Variants in MFSD1 observed in about 807,000 individuals in gnomAD.
MFSD1 encodes lysosomal dipeptide transporter MFSD1.
MFSD1 carries 59 observed loss-of-function variants against 67.1 expected under a neutral mutation model. That is an observed-to-expected ratio of 0.88 (90% CI 0.71 to 1.09). The LOEUF is 1.09. Ranked by LOEUF, MFSD1 falls within the 50% of genes least tolerant of loss-of-function variation. The pLI, the probability that MFSD1 is intolerant of heterozygous loss-of-function variation, is 0.00. For synonymous variants in MFSD1, 213 were observed against 200.3 expected (o/e 1.06, Z -0.54); for missense variants, 552 against 566.1 (o/e 0.97, Z 0.25).
At chr3:158,807,121 A>ACTTCTAAATTCTTATCTAGG in intron 4 of MFSD1, 39 bp downstream of exon 4, 3 of 1,559,080 alleles carry the variant, frequency 1.9e-6, no homozygotes, top group Non-Finnish European at 2.6e-6. Context: ...ATTGACAGTG[A>ACTTCTAAATTCTTATCTAGG]CTTCTAAATT....
intron 8 of MFSD1, 91 bp from the exon 9 acceptor site, chr3:158,820,124 C>T (rs747693659): frequency 1.0e-5 from 7 of 686,330 alleles, no homozygotes; most frequent in Non-Finnish European, 1.8e-5. Context: ...AAAGATTAAT[C>T]ACAAGATTTT....
chr3:158,805,135 C>G (rs544605017), intron 2 of MFSD1, among the ~76,000 whole-genome samples: 5 of 152,162 alleles, frequency 3.3e-5, no homozygotes, highest in African/African-American at 1.2e-4. Context: ...CATGTGAACT[C>G]AAGAAGTTCC....
chr3:158,804,260 CAACTTGA>C (rs746148407), intron 1 of MFSD1, 52 bp from the exon 2 acceptor site: 2 of 1,288,068 alleles, frequency 1.6e-6, no homozygotes, highest in Middle Eastern at 1.9e-4. Flanking sequence ...GTAGCAACTG[CAACTTGA>C]AACTTTTATA....
chr3:158,813,301 C>T (rs1730134450), intron 6 of MFSD1, among the ~76,000 whole-genome samples: 2 of 152,012 alleles, frequency 1.3e-5, no homozygotes, highest in African/African-American at 4.8e-5. Flanking sequence ...GTGCCCGTCA[C>T]CATGCCTGGC....
chr3:158,825,983 A>G (rs750703555), intron 13 of MFSD1, 32 bp from the exon 14 acceptor site: 51 of 1,578,852 alleles, frequency 3.2e-5, no homozygotes, highest in Non-Finnish European at 3.9e-5. Context: ...AGAAATACAT[A>G]TTTTAAGGGC....
At position 158,807,389 on chromosome 3, in the gene MFSD1, A is replaced by G; in HGVS notation, c.373-7A>G. 1 of 1,610,078 alleles carries G rather than the reference A, an allele frequency of 6.2e-7. No individual in the cohort carries two copies. The highest frequency in any genetic ancestry group is 8.5e-7 in the Non-Finnish European group (1 of 1,176,968). ...TCATTAATTTGACATGAACTTCTAC[A>G]TTATAGGTTGTTTTTGCCCTGGGTG... On this transcript the variant is annotated splice_region_variant and splice_polypyrimidine_tract_variant and intron_variant, in intron 4 of 15. Transcript: ENST00000415822.
chr3:158,822,071 C>T lies in MFSD1; in HGVS notation c.1008C>T (p.Cys336=), dbSNP rs779658644. Residue 336 remains cysteine (C), a synonymous_variant, in exon 11 of 16, where the codon TGC becomes TGT. Transcript: ENST00000415822. ...KTGKNIIWVL[C]AVAATLVSHM... ...GGAAGAACATCATCTGGGTTCTTTG[C>T]GCAGTAGCAGCCACTCTTGTGTCCC... is the stretch of plus-strand genomic sequence containing the variant. 18 of 1,613,738 alleles carry T rather than the reference C, an allele frequency of 1.1e-5. No individual in the cohort carries two copies. Among genetic ancestry groups the T allele is most frequent in the South Asian group, 6.6e-5 (6 of 91,072 alleles).
chr3:158,827,853 A>C (rs1233484918), intron 15 of MFSD1, among the ~76,000 whole-genome samples: 1 of 151,774 alleles, frequency 6.6e-6, no homozygotes, highest in Non-Finnish European at 1.5e-5. Flanking sequence ...ACGAAGAAAA[A>C]AAATAATTCA....
rs1436688545 is a variant in MFSD1 at position 158,807,412 on chromosome 3, G to T, written c.389G>T (p.Gly130Val). The part of the protein sequence containing the change: ...VCIGQVVFAL[G>V]GIFNAFWLME... ...ACATTATAGGTTGTTTTTGCCCTGG[G>T]TGGAATATTTAATGCTTTTTGGCTG... Residue 130 changes from glycine (G) to valine (V), a missense_variant, in exon 5 of 16, where the codon GGT becomes GTT. Gly to Val is a moderately radical substitution (Grantham distance 109). Coordinates refer to ENST00000415822, the MANE Select transcript of MFSD1 (RefSeq NM_022736.4). The T allele has an allele frequency of 6.2e-7, 1 of 1,612,960 alleles. No individual in the cohort carries two copies.
chr3:158,821,751 TA>T, intron 10 of MFSD1, 98 bp downstream of exon 10: 2 of 1,159,960 alleles, frequency 1.7e-6, no homozygotes, highest in Non-Finnish European at 2.5e-6. Flanking sequence ...TGTGACCTAA[TA>T]TTTTTTAAGT....
chr3:158,803,660 T>C (rs112319301), intron 1 of MFSD1, among the ~76,000 whole-genome samples: 2 of 152,322 alleles, frequency 1.3e-5, no homozygotes, highest in Non-Finnish European at 2.9e-5. Context: ...GGCAATATTT[T>C]CTTGTAGCCT....
chr3:158,821,564 A>G, intron 9 of MFSD1, 33 bp from the exon 10 acceptor site: 1 of 1,428,536 alleles, frequency 7.0e-7, no homozygotes, highest in Non-Finnish European at 9.8e-7. Flanking sequence ...AGTTCTCTCT[A>G]ATGTGCTAAT....
chr3:158,806,201 A>G (rs892630202), intron 3 of MFSD1, among the ~76,000 whole-genome samples: 5 of 152,216 alleles, frequency 3.3e-5, no homozygotes, highest in African/African-American at 9.6e-5. Flanking sequence ...AACCTTTAAA[A>G]TTTTTGAAGA....
intron 6 of MFSD1, among the ~76,000 whole-genome samples, chr3:158,809,756 G>T (rs933565536): frequency 2.0e-5 from 3 of 152,150 alleles, no homozygotes; most frequent in Admixed American, 6.5e-5. Flanking sequence ...TCTGACTTTT[G>T]CTCTCTGTAG....
At chr3:158,812,457 TC>T in intron 6 of MFSD1, among the ~76,000 whole-genome samples, 1 of 152,170 alleles carries the variant, frequency 6.6e-6, no homozygotes, top group South Asian at 2.1e-4. Context: ...CCTCAAGATC[TC>T]CCTACCACTC....
In MFSD1 at chr3:158,824,038, C is replaced by T. The variant is rs566474271; in HGVS notation, c.1176-86C>T. 5.5e-6 allele frequency: 5 copies of T among 913,758 alleles called. No homozygotes were observed. The Admixed American group carries it at 6.4e-5, about 12-fold the overall frequency. 56.6% of individuals were successfully genotyped at this position (913,758 alleles called of 1,614,324 possible). On this transcript the variant is annotated intron_variant, in intron 12 of 15. Coordinates refer to ENST00000415822, the MANE Select transcript of MFSD1 (RefSeq NM_022736.4). The stretch of plus-strand genomic sequence containing the variant: ...CTGAACACAAATAGTATATGGTTCA[C>T]AGATACTAATATTTATAGTGAAGTG...
rs1382057858 is a variant in MFSD1, at chr3:158,826,027, C to T, written c.1301C>T (p.Ser434Phe). 1.2e-6 allele frequency: 2 copies of T among 1,613,274 alleles called. No homozygotes were observed. The highest frequency in any genetic ancestry group is 1.1e-5 in the South Asian group (1 of 91,062). The part of the protein sequence containing the change: ...FIACVSLSLL[S>F]VVLLYLVNRA... ...TTTTCACTCCTAGTGTCACTTTTAT[C>T]TGTGGTCTTACTCTATTTGGTGAAT... Residue 434 changes from serine to phenylalanine, a missense_variant, in exon 14 of 16, where the codon TCT (serine) becomes TTT (phenylalanine). Ser to Phe is a radical substitution (Grantham distance 155). Coordinates refer to ENST00000415822, the MANE Select transcript of MFSD1 (RefSeq NM_022736.4).
Position 158,807,477 on chromosome 3 carries a change from A to C in MFSD1, c.440+14A>C. ...ATTTGTATTTGGGTAAGTTATGCATAATTTAATTTATCCTAATGTATTATT... is the reference window on the plus strand; with the variant it reads ...ATTTGTATTTGGGTAAGTTATGCATCATTTAATTTATCCTAATGTATTATT... On this transcript the variant is annotated intron_variant, in intron 5 of 15. Coordinates refer to ENST00000415822, the MANE Select transcript of MFSD1 (RefSeq NM_022736.4). 6.4e-7 allele frequency: 1 copy of C among 1,572,190 alleles called. No homozygotes were observed. The highest frequency in any genetic ancestry group is 8.7e-7 in the Non-Finnish European group (1 of 1,142,962).
At position 158,802,488 on chromosome 3, in the gene MFSD1, G is replaced by A. The variant is rs1254782545; in HGVS notation, c.163+173G>A. 6.0e-6 allele frequency: 5 copies of A among 827,262 alleles called. No individual in the cohort carries two copies. The South Asian group carries it at 7.2e-5, about 12-fold the overall frequency. The allele number at this position is 827,262 out of a possible 1,614,324, so 51.2% of individuals were successfully genotyped here. On this transcript the variant is annotated intron_variant, in intron 1 of 15. Transcript: ENST00000415822. The stretch of plus-strand genomic sequence containing the variant: ...ATCGATTCCAGCCACACCTGTGGAT[G>A]TTGCTAGTTACTCCGCGTCCGGAAC...
Sources: allele counts gnomAD v4.1 joint callset (sites outside exome capture counted in the v4.1 genomes callset), GRCh38; gene constraint gnomAD v4.1.1; transcripts MANE v1.5; gene names NCBI Gene and HGNC (gene_info 2026-07-23, HGNC 2026-07-21).